ADCY2: variants seen among roughly 807,000 people sequenced by gnomAD.
ADCY2 encodes adenylate cyclase 2.
In ADCY2, 31 loss-of-function variants were observed where a neutral mutation model predicts 125.2. The ratio of observed to expected loss-of-function variants is 0.25; its 90% CI spans 0.19 to 0.33. The LOEUF (loss-of-function observed/expected upper bound fraction) is 0.33, where lower values mean the gene tolerates loss of function less well. Among genes scored for constraint, ADCY2 ranks in the 10% least tolerant of loss-of-function variants. The pLI, the probability that ADCY2 is intolerant of heterozygous loss-of-function variation, is 1.00. For synonymous variants in ADCY2, 512 were observed against 548.4 expected, an observed-to-expected ratio of 0.93 and a Z score of 0.93; for missense variants, 904 against 1,418.2, an observed-to-expected ratio of 0.64 and a Z score of 5.82.
chr5:7,658,790 C>T (rs1739430418), intron 4 of ADCY2, among the ~76,000 whole-genome samples: 1 of 152,216 alleles, frequency 6.6e-6, no homozygotes, highest in Non-Finnish European at 1.5e-5. Flanking sequence ...AACTTACATG[C>T]TGGACCGAGG....
chr5:7,820,519 A>C (rs749086199), intron 23 of ADCY2, 46 bp from the exon 24 acceptor site: 1 of 1,607,568 alleles, frequency 6.2e-7, no homozygotes, highest in East Asian at 2.2e-5. Flanking sequence ...TAAAAAGACA[A>C]TGGTTATAAG....
Position 7,773,076 on chromosome 5 carries a change from G to T in ADCY2, c.2359G>T (p.Asp787Tyr), listed in dbSNP as rs148653725. The stretch of plus-strand genomic sequence containing the variant: ...CCACACCCACGCCCACGTCCTGGGC[G>T]ACTACAGCCAGGTCTTATTTGAGAG... Reference protein sequence around the residue: ...LLHTHAHVLGDYSQVLFERPG... With the variant: ...LLHTHAHVLGYYSQVLFERPG... The change falls in exon 18 of 25, where the codon GAC becomes TAC. Residue 787 changes from aspartate to tyrosine, a missense_variant. Physicochemically the swap from Asp to Tyr is radical, Grantham distance 160. Transcript: ENST00000338316. 6.2e-7 allele frequency: 1 copy of T among 1,613,836 alleles called. No homozygotes were observed. The highest frequency in any genetic ancestry group is 8.5e-7 in the Non-Finnish European group (1 of 1,179,978).
intron 3 of ADCY2, among the ~76,000 whole-genome samples, chr5:7,554,511 G>A (rs943272461): frequency 1.3e-5 from 2 of 152,240 alleles, no homozygotes; most frequent in Non-Finnish European, 1.5e-5. Context: ...GTTTGGTTGT[G>A]CATTTCCATA....
intron 1 of ADCY2, among the ~76,000 whole-genome samples, chr5:7,411,276 C>T (rs748163229): frequency 4.6e-5 from 7 of 152,124 alleles, no homozygotes; most frequent in African/African-American, 9.7e-5. Context: ...AGCCGTTGGC[C>T]GTCAGAGCCT....
In ADCY2 at chr5:7,702,225, CT is replaced by C. The variant is rs67174135; in HGVS notation, c.1109+3870del. 9.0e-3 allele frequency among the ~76,000 whole-genome samples: 1,186 copies of C among 131,104 alleles called. 7 individuals are homozygous for C. The highest frequency in any genetic ancestry group is 0.012 in the African/African-American group (407 of 35,026). 86.0% of individuals were successfully genotyped at this position (131,104 alleles called of 152,430 possible). Reference sequence around the variant, plus strand: ...TGGCCAGCATAGTGAAACCCTGTTTCTTTTTTTTTTTTTTTTTTTAAACTTT... The same window carrying C: ...TGGCCAGCATAGTGAAACCCTGTTTCTTTTTTTTTTTTTTTTTTAAACTTT... On this transcript the variant is annotated intron_variant, in intron 7 of 24. Transcript: ENST00000338316.
At chr5:7,784,316 G>A (rs113718467) in intron 18 of ADCY2, 49 bp from the exon 19 acceptor site, 95 of 1,316,598 alleles carry the variant, frequency 7.2e-5, no homozygotes, top group African/African-American at 1.0e-4. Flanking sequence ...TCCTGTATGC[G>A]TGTTGTTTTG....
intron 22 of ADCY2, among the ~76,000 whole-genome samples, chr5:7,806,373 T>G (rs1744762859): frequency 6.6e-6 from 1 of 151,968 alleles, no homozygotes; most frequent in Non-Finnish European, 1.5e-5. Context: ...TGCCTCAGGC[T>G]CTAAGATGCT....
intron 3 of ADCY2, among the ~76,000 whole-genome samples, chr5:7,578,719 A>G (rs1736331803): frequency 6.6e-6 from 1 of 152,172 alleles, no homozygotes; most frequent in African/African-American, 2.4e-5. Context: ...TAGTTTTCAT[A>G]TTTGAACAGT....
intron 4 of ADCY2, among the ~76,000 whole-genome samples, chr5:7,681,766 C>G (rs1412466487): frequency 6.6e-6 from 1 of 151,822 alleles, no homozygotes; most frequent in Non-Finnish European, 1.5e-5. Context: ...GGGTTCAAAT[C>G]TCTGACTTCA....
intron 2 of ADCY2, among the ~76,000 whole-genome samples, chr5:7,418,489 T>C (rs938947811): frequency 6.6e-6 from 1 of 151,870 alleles, no homozygotes; most frequent in South Asian, 2.1e-4. Context: ...ATTGGCAGGG[T>C]GTGTGCCTCA....
intron 1 of ADCY2, among the ~76,000 whole-genome samples, chr5:7,410,304 AC>A: frequency 6.6e-6 from 1 of 151,964 alleles, no homozygotes; most frequent in Non-Finnish European, 1.5e-5. Flanking sequence ...GTCTTTTACC[AC>A]CCTCATACAA....
At chr5:7,766,554 G>C (rs1743385287) in intron 16 of ADCY2, 133 bp from the exon 17 acceptor site, 3 of 834,622 alleles carry the variant, frequency 3.6e-6, no homozygotes, top group Non-Finnish European at 5.5e-6. Flanking sequence ...TTATTCAATA[G>C]AAATTCCCGA....
At chr5:7,469,756 T>G (rs1742268189) in intron 2 of ADCY2, among the ~76,000 whole-genome samples, 1 of 151,896 alleles carries the variant, frequency 6.6e-6, no homozygotes, top group African/African-American at 2.4e-5. Flanking sequence ...TTTATAAGTT[T>G]TATTGTCATT....
At chr5:7,499,698 T>C (rs1354738180) in intron 2 of ADCY2, among the ~76,000 whole-genome samples, 1 of 144,350 alleles carries the variant, frequency 6.9e-6, no homozygotes, top group African/African-American at 2.6e-5. Context: ...TATATGTGTA[T>C]ATATATGTAT....
intron 2 of ADCY2, among the ~76,000 whole-genome samples, chr5:7,439,543 C>T (rs1740929768): frequency 6.6e-6 from 1 of 151,918 alleles, no homozygotes; most frequent in East Asian, 1.9e-4. Context: ...CACACACACA[C>T]ACACACACAC....
At chr5:7,475,250 G>C (rs186107174) in intron 2 of ADCY2, among the ~76,000 whole-genome samples, 24 of 152,286 alleles carry the variant, frequency 1.6e-4, no homozygotes, top group African/African-American at 5.5e-4. Context: ...ATCCCAAGTG[G>C]GCAGCCCTGA....
At chr5:7,566,061 G>A (rs1284409620) in intron 3 of ADCY2, among the ~76,000 whole-genome samples, 3 of 152,172 alleles carry the variant, frequency 2.0e-5, no homozygotes, top group Non-Finnish European at 4.4e-5. Context: ...TGGAGCAAGG[G>A]AAACGGCTAC....
chr5:7,628,480 T>C (rs561935020), intron 4 of ADCY2, among the ~76,000 whole-genome samples: 4 of 152,274 alleles, frequency 2.6e-5, no homozygotes, highest in Admixed American at 6.5e-5. Context: ...AGGAGCCACA[T>C]TGACCTTGTG....
At chr5:7,448,195 C>G (rs1741346655) in intron 2 of ADCY2, among the ~76,000 whole-genome samples, 1 of 152,160 alleles carries the variant, frequency 6.6e-6, no homozygotes, top group South Asian at 2.1e-4. Context: ...TCAGCTGCAG[C>G]TCTGGAGCTC....
Sources: allele counts gnomAD v4.1 joint callset (sites outside exome capture counted in the v4.1 genomes callset), GRCh38; gene constraint gnomAD v4.1.1; transcripts MANE v1.5; gene names NCBI Gene and HGNC (gene_info 2026-07-23, HGNC 2026-07-21).